Variants in PTPRD observed in about 807,000 individuals in gnomAD.
The protein encoded by PTPRD is protein tyrosine phosphatase receptor type D, also known as receptor-type tyrosine-protein phosphatase delta.
A neutral mutation model predicts 214.5 loss-of-function variants in PTPRD; 34 were observed. The ratio of observed to expected loss-of-function variants is 0.16; its 90% CI spans 0.12 to 0.21. The LOEUF is 0.21. Among genes scored for constraint, PTPRD ranks in the 10% least tolerant of loss-of-function variants. The pLI is 1.00. For missense variants in PTPRD, 2,545 were observed against 2,398.7 expected, an observed-to-expected ratio of 1.06 and a Z score of -1.27; for synonymous variants, 1,128 against 845.7, an observed-to-expected ratio of 1.33 and a Z score of -5.79.
chr9:10,186,624 G>A (rs1458656946), intron 3 of PTPRD, among the ~76,000 whole-genome samples: 1 of 151,904 alleles, frequency 6.6e-6, no homozygotes, highest in East Asian at 1.9e-4. Context: ...AAATAACATA[G>A]TAGAAAAAAA....
At chr9:8,948,509 A>T (rs1209229096) in intron 11 of PTPRD, among the ~76,000 whole-genome samples, 15 of 18,880 alleles carry the variant, frequency 7.9e-4, no homozygotes, top group South Asian at 4.6e-3. Flanking sequence ...ATATATTTAT[A>T]TATATATATT....
At chr9:8,499,272 G>A (rs1184569253) in intron 25 of PTPRD, among the ~76,000 whole-genome samples, 1 of 152,154 alleles carries the variant, frequency 6.6e-6, no homozygotes, top group African/African-American at 2.4e-5. Flanking sequence ...GTTGCAAGTT[G>A]TTTTAGCACA....
At chr9:9,352,274 G>A (rs1455608848) in intron 9 of PTPRD, among the ~76,000 whole-genome samples, 1 of 150,398 alleles carries the variant, frequency 6.6e-6, no homozygotes, top group African/African-American at 2.4e-5. Context: ...AATTTAGGTT[G>A]ATAGCTCGTA....
intron 11 of PTPRD, among the ~76,000 whole-genome samples, chr9:8,955,865 C>T (rs2099128851): frequency 1.3e-5 from 2 of 151,926 alleles, no homozygotes; most frequent in East Asian, 1.9e-4. Flanking sequence ...CTCATGCGTT[C>T]GACCTACATA....
chr9:10,245,492 T>C (rs935729060), intron 3 of PTPRD, among the ~76,000 whole-genome samples: 1 of 152,220 alleles, frequency 6.6e-6, no homozygotes, highest in Non-Finnish European at 1.5e-5. Context: ...TGGCCTACTA[T>C]GTACAAAATG....
chr9:9,964,121 T>A (rs2094536030), intron 4 of PTPRD, among the ~76,000 whole-genome samples: 1 of 107,714 alleles, frequency 9.3e-6, no homozygotes, highest in South Asian at 3.4e-4. Context: ...GAGAGACAGA[T>A]GCCTGTATGG....
chr9:9,542,643 T>C (rs1384680918), intron 8 of PTPRD, among the ~76,000 whole-genome samples: 1 of 151,424 alleles, frequency 6.6e-6, no homozygotes, highest in Non-Finnish European at 1.5e-5. Context: ...CCCAATTAAA[T>C]CTGAGAGAAA....
intron 3 of PTPRD, among the ~76,000 whole-genome samples, chr9:10,037,579 G>GAA (rs1567236061): frequency 2.5e-5 from 2 of 80,034 alleles, no homozygotes; most frequent in East Asian, 6.5e-4. Flanking sequence ...TTATAGCAGT[G>GAA]GAAAAAAAAA....
chr9:9,546,178 A>C (rs924517184), intron 8 of PTPRD, among the ~76,000 whole-genome samples: 3 of 151,632 alleles, frequency 2.0e-5, no homozygotes, highest in African/African-American at 7.3e-5. Flanking sequence ...TTTGTGCATT[A>C]ATCTTAGATC....
chr9:10,348,880 C>T (rs1019140306), intron 2 of PTPRD, among the ~76,000 whole-genome samples: 1 of 152,066 alleles, frequency 6.6e-6, no homozygotes, highest in Non-Finnish European at 1.5e-5. Context: ...ACCTCCCTAA[C>T]ATTTTGCCCA....
At chr9:9,821,185 G>C (rs1200907780) in intron 5 of PTPRD, among the ~76,000 whole-genome samples, 1 of 152,020 alleles carries the variant, frequency 6.6e-6, no homozygotes, top group Non-Finnish European at 1.5e-5. Context: ...ACTATAAATG[G>C]TGTTGCATTC....
chr9:9,913,325 C>A (rs566539384), intron 5 of PTPRD, among the ~76,000 whole-genome samples: 1 of 151,592 alleles, frequency 6.6e-6, no homozygotes, highest in Admixed American at 6.6e-5. Flanking sequence ...CAGTATTTCC[C>A]AAAGTAAAAG....
intron 2 of PTPRD, among the ~76,000 whole-genome samples, chr9:10,575,542 C>A (rs1033294042): frequency 6.6e-6 from 1 of 151,982 alleles, no homozygotes; most frequent in Non-Finnish European, 1.5e-5. Context: ...AAAAAGTCTT[C>A]TTTTAAATCA....
At chr9:9,282,855 C>T (rs1948185567) in intron 9 of PTPRD, among the ~76,000 whole-genome samples, 1 of 151,388 alleles carries the variant, frequency 6.6e-6, no homozygotes, top group African/African-American at 2.4e-5. Context: ...AAGGTGGCTC[C>T]AAAATTTCTG....
chr9:10,014,336 T>C (rs752752720), intron 4 of PTPRD, among the ~76,000 whole-genome samples: 46 of 152,146 alleles, frequency 3.0e-4, no homozygotes, highest in Middle Eastern at 6.8e-3. Context: ...TTCTTTCCAC[T>C]TCTCCATTGT....
chr9:9,658,305 G>A (rs577618840), intron 7 of PTPRD, among the ~76,000 whole-genome samples: 5 of 151,954 alleles, frequency 3.3e-5, no homozygotes, highest in Non-Finnish European at 5.9e-5. Flanking sequence ...ACATCATTTC[G>A]CCTTATATCC....
chr9:9,854,356 T>C (rs1196243607), intron 5 of PTPRD, among the ~76,000 whole-genome samples: 2 of 152,112 alleles, frequency 1.3e-5, no homozygotes, highest in Non-Finnish European at 2.9e-5. Flanking sequence ...TAATCATAGG[T>C]CCTGGAATCA....
chr9:8,924,534 G>C (rs1245380530), intron 11 of PTPRD, among the ~76,000 whole-genome samples: 3 of 152,074 alleles, frequency 2.0e-5, no homozygotes, highest in Non-Finnish European at 2.9e-5. Context: ...AATCAAAGTG[G>C]TACCTGAATT....
intron 7 of PTPRD, among the ~76,000 whole-genome samples, chr9:9,597,865 G>A (rs578190483): frequency 7.2e-5 from 11 of 152,070 alleles, no homozygotes; most frequent in South Asian, 4.1e-4. Flanking sequence ...TGGAGTATGC[G>A]AAATCCTAAA....
Sources: gnomAD v4.1 joint callset for allele counts (sites outside exome capture counted in the v4.1 genomes callset) on GRCh38, gnomAD v4.1.1 for gene constraint, MANE v1.5 for transcripts, NCBI Gene and HGNC (gene_info 2026-07-23, HGNC 2026-07-21) for gene names.